The following NME8 variants were observed in gnomAD, a reference collection of about 807,000 sequenced individuals.
NME8 encodes the protein NME/NM23 family member 8.
A neutral mutation model predicts 82.3 loss-of-function variants in NME8; 72 were observed. That is an observed-to-expected ratio of 0.87 (90% CI 0.72 to 1.06). NME8 has a LOEUF of 1.06. Ranked by LOEUF, NME8 falls within the 50% of genes least tolerant of loss-of-function variation. The probability of loss-of-function intolerance (pLI) is 0.00; values close to 1 mark genes in which losing one functional copy is unlikely to be tolerated. For missense variants in NME8, 712 were observed against 685.4 expected, an observed-to-expected ratio of 1.04 and a Z score of -0.43; for synonymous variants, 267 against 228.5, an observed-to-expected ratio of 1.17 and a Z score of -1.52.
intron 12 of NME8, among the ~76,000 whole-genome samples, chr7:37,880,254 T>C (rs776372142): frequency 3.3e-5 from 5 of 152,224 alleles, no homozygotes; most frequent in Non-Finnish European, 5.9e-5. Flanking sequence ...TTTAGTGTTG[T>C]ATCTAAAAAC....
At chr7:37,888,194 T>C (rs1562840897) in intron 14 of NME8, 83 bp from the exon 15 acceptor site, 9 of 1,392,808 alleles carry the variant, frequency 6.5e-6, no homozygotes, top group Non-Finnish European at 9.2e-6. Flanking sequence ...TGTTATTTGA[T>C]AACTTTTGAA....
intron 4 of NME8, 40 bp downstream of exon 4, chr7:37,850,475 A>G (rs764751735): frequency 6.2e-7 from 1 of 1,608,888 alleles, no homozygotes; most frequent in South Asian, 1.1e-5. Context: ...CTGGGGTTTG[A>G]CCCGGAGCTC....
intron 5 of NME8, among the ~76,000 whole-genome samples, chr7:37,851,733 T>C (rs1194489084): frequency 2.0e-5 from 3 of 152,110 alleles, no homozygotes; most frequent in East Asian, 3.8e-4. Flanking sequence ...ATTTATATTA[T>C]ATAGAAAAGC....
At chr7:37,881,479 C>T (rs1784944424) in intron 12 of NME8, among the ~76,000 whole-genome samples, 1 of 152,114 alleles carries the variant, frequency 6.6e-6, no homozygotes, top group Non-Finnish European at 1.5e-5. Context: ...AATGTTGATC[C>T]ACCCTGGCAT....
intron 11 of NME8, among the ~76,000 whole-genome samples, chr7:37,869,261 A>T (rs905627190): frequency 1.8e-4 from 27 of 152,124 alleles, no homozygotes; most frequent in African/African-American, 6.5e-4. Flanking sequence ...TCATAAGGTA[A>T]ATCCTGCTGG....
At chr7:37,887,198 G>T (rs1472310353) in intron 14 of NME8, among the ~76,000 whole-genome samples, 2 of 152,164 alleles carry the variant, frequency 1.3e-5, no homozygotes, top group Non-Finnish European at 2.9e-5. Flanking sequence ...TTATAGGAAA[G>T]AAAGCATAAC....
At chr7:37,893,887 A>G (rs1197028569) in intron 15 of NME8, among the ~76,000 whole-genome samples, 3 of 152,032 alleles carry the variant, frequency 2.0e-5, no homozygotes, top group Non-Finnish European at 4.4e-5. Flanking sequence ...GTTGGTTATA[A>G]TCATATTGCC....
chr7:37,888,323 T>C lies in NME8; in HGVS notation c.1294T>C (p.Tyr432His), dbSNP rs113136095. Residue 432 changes from tyrosine (Y) to histidine (H), a missense_variant, in exon 15 of 18, where the codon TAT (tyrosine) becomes CAT (histidine). Tyr to His is a moderately conservative substitution (Grantham distance 83). Transcript: ENST00000199447. ...AMDSLPVNQL[Y>H]GSDSLETAER... ...GGACAGTTTGCCGGTCAACCAGTTG[T>C]ATGGCAGCGATTCATTAGAAACCGC... 7.4e-6 allele frequency: 12 copies of C among 1,613,592 alleles called. No homozygotes were observed. In the African/African-American group the frequency reaches 8.0e-5, roughly 11 times the overall value.
intron 11 of NME8, among the ~76,000 whole-genome samples, chr7:37,872,599 G>A (rs945588036): frequency 5.3e-5 from 8 of 152,124 alleles, no homozygotes; most frequent in Non-Finnish European, 1.2e-4. Context: ...TGGAGAATTG[G>A]TATGATCATC....
chr7:37,854,274 G>T (rs979105979), intron 5 of NME8, among the ~76,000 whole-genome samples: 12 of 152,058 alleles, frequency 7.9e-5, no homozygotes, highest in African/African-American at 2.4e-4. Flanking sequence ...TATTTACTAT[G>T]CATTAAGTGG....
At chr7:37,889,262 C>G (rs1406958098) in intron 15 of NME8, among the ~76,000 whole-genome samples, 1 of 151,482 alleles carries the variant, frequency 6.6e-6, no homozygotes, top group Admixed American at 6.6e-5. Flanking sequence ...GTGATTATTT[C>G]TACTTTACCA....
chr7:37,875,410 A>G (rs1044397290), intron 11 of NME8, among the ~76,000 whole-genome samples: 5 of 151,950 alleles, frequency 3.3e-5, no homozygotes, highest in Non-Finnish European at 5.9e-5. Context: ...AGACACACAC[A>G]CACACACACC....
intron 5 of NME8, among the ~76,000 whole-genome samples, chr7:37,853,727 A>T (rs1291216276): frequency 6.6e-6 from 1 of 152,148 alleles, no homozygotes; most frequent in Non-Finnish European, 1.5e-5. Flanking sequence ...TCTGCTGTTA[A>T]TCAAGGAAGA....
At chr7:37,876,559 A>C (rs1237572516) in intron 11 of NME8, among the ~76,000 whole-genome samples, 2 of 152,122 alleles carry the variant, frequency 1.3e-5, no homozygotes, top group African/African-American at 2.4e-5. Context: ...TTTCCTTAAA[A>C]ACACAAAATT....
chr7:37,893,956 C>T (rs1785176055), intron 15 of NME8, among the ~76,000 whole-genome samples: 1 of 152,074 alleles, frequency 6.6e-6, no homozygotes, highest in Admixed American at 6.6e-5. Flanking sequence ...GGCCGTTTTA[C>T]CAGAAAGCTC....
chr7:37,893,388 A>G (rs1484551415), intron 15 of NME8, among the ~76,000 whole-genome samples: 5 of 152,276 alleles, frequency 3.3e-5, no homozygotes, highest in African/African-American at 9.6e-5. Flanking sequence ...AGAATGCTTT[A>G]AATGTTCCTT....
Position 37,888,317 on chromosome 7 carries a change from CAG to C in NME8, c.1289_1290del (p.Gln430LeufsTer11), listed in dbSNP as rs1422041768. On this transcript the variant is annotated frameshift_variant, in exon 15 of 18. Coordinates refer to ENST00000199447, the MANE Select transcript of NME8 (RefSeq NM_016616.5). LOFTEE classifies it high-confidence loss of function. ...TGCGATGGACAGTTTGCCGGTCAACCAGTTGTATGGCAGCGATTCATTAGAAA... is the reference window on the plus strand; with the variant it reads ...TGCGATGGACAGTTTGCCGGTCAACCTTGTATGGCAGCGATTCATTAGAAA... Reference protein sequence around the residue: ...QFAMDSLPVNQLYGSDSLETA... With the variant: ...QFAMDSLPVNXLYGSDSLETA... 6.2e-6 allele frequency: 10 copies of C among 1,613,434 alleles called. No homozygotes were observed. Among genetic ancestry groups the C allele is most frequent in the Non-Finnish European group, 8.5e-7 (1 of 1,179,676 alleles).
At chr7:37,890,298 G>A (rs113831982) in intron 15 of NME8, among the ~76,000 whole-genome samples, 89 of 151,830 alleles carry the variant, frequency 5.9e-4, no homozygotes, top group African/African-American at 2.0e-3. Context: ...CACAACTCAC[G>A]TATTTTTAAT....
At chr7:37,861,547 T>TA (rs981794524) in intron 6 of NME8, among the ~76,000 whole-genome samples, 3 of 151,986 alleles carry the variant, frequency 2.0e-5, no homozygotes, top group Non-Finnish European at 4.4e-5. Flanking sequence ...TAGGGCTTTT[T>TA]AAAAAAAACC....
Sources: gnomAD v4.1 joint callset for allele counts (sites outside exome capture counted in the v4.1 genomes callset) on GRCh38, gnomAD v4.1.1 for gene constraint, MANE v1.5 for transcripts, NCBI Gene and HGNC (gene_info 2026-07-23, HGNC 2026-07-21) for gene names.